The following TBC1D5 variants were observed in gnomAD, a reference collection of about 807,000 sequenced individuals.
The protein encoded by TBC1D5 is TBC1 domain family member 5.
Under a neutral mutation model 100.3 loss-of-function variants are expected in TBC1D5, and 75 were observed. The observed-to-expected ratio is 0.75, with a 90% CI of 0.62 to 0.91. The LOEUF is 0.91. Ranked by LOEUF, TBC1D5 falls within the 40% of genes least tolerant of loss-of-function variation. The pLI is 0.00. For synonymous variants in TBC1D5, 323 were observed against 325.6 expected (o/e 0.99, Z 0.09); for missense variants, 910 against 942.4 (o/e 0.97, Z 0.45).
intron 1 of TBC1D5, among the ~76,000 whole-genome samples, chr3:17,665,432 T>C (rs2067156283): frequency 1.3e-5 from 2 of 152,236 alleles, no homozygotes; most frequent in African/African-American, 4.8e-5. Flanking sequence ...TTGGTACCAC[T>C]TCCAGTGTAT....
At chr3:17,342,853 A>G (rs1025923114) in intron 13 of TBC1D5, among the ~76,000 whole-genome samples, 8 of 152,228 alleles carry the variant, frequency 5.3e-5, no homozygotes, top group Non-Finnish European at 7.3e-5. Flanking sequence ...GAGTCATTTA[A>G]AGTGAATGTA....
chr3:17,344,970 GA>G (rs1461388896), intron 13 of TBC1D5, among the ~76,000 whole-genome samples: 1 of 152,144 alleles, frequency 6.6e-6, no homozygotes, highest in Non-Finnish European at 1.5e-5. Context: ...AACCCTAGAA[GA>G]AAACCTAGGC....
intron 3 of TBC1D5, among the ~76,000 whole-genome samples, chr3:17,489,170 G>C (rs1168361270): frequency 2.6e-5 from 4 of 151,616 alleles, no homozygotes; most frequent in South Asian, 4.2e-4. Context: ...GGTCAAACAA[G>C]AATGTTTGCT....
chr3:17,243,263 T>C (rs1408174251), intron 16 of TBC1D5, among the ~76,000 whole-genome samples: 1 of 152,196 alleles, frequency 6.6e-6, no homozygotes, highest in Non-Finnish European at 1.5e-5. Flanking sequence ...ACTTTTTAGA[T>C]TGAAAATTAT....
At chr3:17,308,127 C>A (rs2083591623) in exon 14 of TBC1D5, 1 of 1,575,674 alleles carries the variant, frequency 6.3e-7, no homozygotes, top group Non-Finnish European at 8.5e-7. Flanking sequence ...AGCAGCCGCA[C>A]CCACCTTCTG....
chr3:17,706,099 T>G, intron 1 of TBC1D5: 1 of 1,605,798 alleles, frequency 6.2e-7, no homozygotes, highest in Non-Finnish European at 8.5e-7. Context: ...GCCTCCAGCT[T>G]GCCCTCGAAG....
At chr3:17,583,543 T>C (rs1369341127) in intron 2 of TBC1D5, among the ~76,000 whole-genome samples, 1 of 152,072 alleles carries the variant, frequency 6.6e-6, no homozygotes, top group Non-Finnish European at 1.5e-5. Flanking sequence ...CTTGGCAACA[T>C]GGAAAAACCC....
chr3:17,230,017 C>G (rs1314841231), intron 17 of TBC1D5, among the ~76,000 whole-genome samples: 1 of 152,174 alleles, frequency 6.6e-6, no homozygotes, highest in Non-Finnish European at 1.5e-5. Context: ...ACATATATTT[C>G]TCTGCCTTAA....
At chr3:17,222,770 T>G (rs937650105) in intron 17 of TBC1D5, among the ~76,000 whole-genome samples, 1 of 152,036 alleles carries the variant, frequency 6.6e-6, no homozygotes, top group Non-Finnish European at 1.5e-5. Flanking sequence ...GGCCAGTATC[T>G]TTCTTCAGCT....
chr3:17,306,461 T>C (rs888580523), intron 14 of TBC1D5, among the ~76,000 whole-genome samples: 3 of 152,186 alleles, frequency 2.0e-5, no homozygotes, highest in Admixed American at 6.5e-5. Flanking sequence ...TTGAAATAAA[T>C]AAATCACTTC....
intron 16 of TBC1D5, among the ~76,000 whole-genome samples, chr3:17,246,975 A>G (rs566415194): frequency 6.6e-6 from 1 of 152,306 alleles, no homozygotes; most frequent in African/African-American, 2.4e-5. Flanking sequence ...GTCACACCAA[A>G]TTGTTTACAC....
chr3:17,230,877 T>C (rs1269669520), intron 17 of TBC1D5, among the ~76,000 whole-genome samples: 2 of 152,166 alleles, frequency 1.3e-5, no homozygotes, highest in African/African-American at 4.8e-5. Flanking sequence ...AGTACTATTT[T>C]TAAATAACCT....
intron 8 of TBC1D5, among the ~76,000 whole-genome samples, chr3:17,384,870 A>T (rs904098314): frequency 2.6e-5 from 4 of 152,116 alleles, no homozygotes; most frequent in African/African-American, 9.7e-5. Flanking sequence ...TTGAATGCTG[A>T]ATTTCCAACT....
intron 18 of TBC1D5, among the ~76,000 whole-genome samples, chr3:17,188,429 C>A (rs1325460323): frequency 6.6e-6 from 1 of 152,102 alleles, no homozygotes; most frequent in Non-Finnish European, 1.5e-5. Flanking sequence ...ATCAGATAAA[C>A]CTTCTTTTTC....
At chr3:17,574,294 G>T (rs142482069) in intron 2 of TBC1D5, among the ~76,000 whole-genome samples, 86 of 152,094 alleles carry the variant, frequency 5.7e-4, no homozygotes, top group African/African-American at 2.0e-3. Flanking sequence ...GGCCTCATCT[G>T]TTCCCCCGTT....
intron 2 of TBC1D5, among the ~76,000 whole-genome samples, chr3:17,536,002 T>C (rs2096278168): frequency 1.3e-5 from 2 of 152,172 alleles, no homozygotes; most frequent in South Asian, 4.1e-4. Context: ...CAAAGATGTA[T>C]TTTCAGATAT....
chr3:17,576,275 G>A (rs945828793), intron 2 of TBC1D5: 1 of 152,056 alleles, frequency 6.6e-6, no homozygotes, highest in African/African-American at 2.4e-5. Context: ...GGTTTTAAGA[G>A]CATGAAGGAA....
intron 3 of TBC1D5, among the ~76,000 whole-genome samples, chr3:17,455,282 A>G (rs924761814): frequency 6.8e-6 from 1 of 146,984 alleles, no homozygotes; most frequent in African/African-American, 2.5e-5. Flanking sequence ...ATATGTGTGT[A>G]TATATGTATA....
At chr3:17,223,818 C>A (rs1036769015) in intron 17 of TBC1D5, among the ~76,000 whole-genome samples, 1 of 151,932 alleles carries the variant, frequency 6.6e-6, no homozygotes, top group Non-Finnish European at 1.5e-5. Flanking sequence ...GCAGGAGAAC[C>A]CTGGAGGCAG....
Sources: gnomAD v4.1 joint callset for allele counts (sites outside exome capture counted in the v4.1 genomes callset) on GRCh38, gnomAD v4.1.1 for gene constraint, MANE v1.5 for transcripts, NCBI Gene and HGNC (gene_info 2026-07-23, HGNC 2026-07-21) for gene names.